ZNF197: variants seen among roughly 807,000 people sequenced by gnomAD.
The protein encoded by ZNF197 is zinc finger protein 197, also known as VHL-associated KRAB-A domain-containing protein.
In ZNF197, 14 loss-of-function variants were observed where a neutral mutation model predicts 27.4. The ratio of observed to expected loss-of-function variants is 0.51; its 90% CI spans 0.34 to 0.80. The LOEUF (loss-of-function observed/expected upper bound fraction) is 0.80. Ranked by LOEUF, ZNF197 falls within the 30% of genes least tolerant of loss-of-function variation. ZNF197 has a pLI of 0.02. For synonymous variants in ZNF197, 415 were observed against 420.0 expected, an observed-to-expected ratio of 0.99 and a Z score of 0.15; for missense variants, 1,090 against 1,222.6, an observed-to-expected ratio of 0.89 and a Z score of 1.62.
Position 44,630,526 on chromosome 3 carries a change from A to T in ZNF197, c.391-536A>T, listed in dbSNP as rs558666983. The stretch of plus-strand genomic sequence containing the variant: ...CTTGTTTCTTTTAATAATAACGTGA[A>T]CAATTTTAGAGCTATATATTTCGTT... On this transcript the variant is annotated intron_variant, in intron 2 of 5. Transcript: ENST00000344387. Among the ~76,000 whole-genome samples the T allele has an allele frequency of 1.3e-3, 194 of 152,294 alleles. 1 individual carries two copies. Among genetic ancestry groups the T allele is most frequent in the African/African-American group, 4.1e-3 (171 of 41,554 alleles).
In ZNF197 at chr3:44,643,865, G is replaced by A. The variant is rs1702784051; in HGVS notation, c.2735G>A (p.Ser912Asn). ...YKCNECGKDF[S>N]QNKNLVVHQR... ...TGTAATGAGTGTGGAAAAGACTTTAGTCAGAATAAAAACCTTGTTGTACAT... is the reference window on the plus strand; with the variant it reads ...TGTAATGAGTGTGGAAAAGACTTTAATCAGAATAAAAACCTTGTTGTACAT... Residue 912 changes from serine (S) to asparagine (N), a missense_variant, in exon 6 of 6, where the codon AGT (serine) becomes AAT (asparagine). Transcript: ENST00000344387. 4 of 1,613,552 alleles carry A rather than the reference G, an allele frequency of 2.5e-6. No individual in the cohort carries two copies.
Position 44,635,527 on chromosome 3 carries a change from T to G in ZNF197, c.769+2928T>G, listed in dbSNP as rs149299782. On this transcript the variant is annotated intron_variant, in intron 5 of 5. Transcript: ENST00000344387. ...TGACACTATCAAATATTATGACAAC[T>G]CTGTGTACTCAATTTTCATGCATCG... Among the ~76,000 whole-genome samples, 125 of 152,320 alleles carry G rather than the reference T, an allele frequency of 8.2e-4. 2 individuals are homozygous for G. Among genetic ancestry groups the G allele is most frequent in the African/African-American group, 3.0e-3 (123 of 41,574 alleles).
Position 44,645,316 on chromosome 3 carries a change from C to A in ZNF197, c.*1096C>A, listed in dbSNP as rs1013871791. The A allele has an allele frequency of 1.8e-4, 181 of 985,100 alleles. No homozygotes were observed. The highest frequency in any genetic ancestry group is 2.1e-4 in the Non-Finnish European group (176 of 829,906). 61.0% of individuals were successfully genotyped at this position (985,100 alleles called of 1,614,324 possible). On this transcript the variant is annotated 3_prime_UTR_variant, in exon 6 of 6. Coordinates refer to ENST00000344387, the MANE Select transcript of ZNF197 (RefSeq NM_006991.5). ...GATCATGTAAGTTTGTGTATTAAGT[C>A]AATATTAGAATGAGGGGGATTCCAG... is the stretch of plus-strand genomic sequence containing the variant.
intron 4 of ZNF197, 94 bp downstream of exon 4, chr3:44,632,290 C>A: frequency 6.5e-7 from 1 of 1,529,480 alleles, no homozygotes; most frequent in Non-Finnish European, 9.0e-7. Flanking sequence ...CCAGTCAGTT[C>A]CCATTTCTAA....
Position 44,625,518 on chromosome 3 carries a change from C to T in ZNF197, c.-82+375C>T, listed in dbSNP as rs954298681. ...AAACATTCTGAGGTTTCCCTATTAC[C>T]GGTGGCGCCCAGACTCTTGAGGACG... is the stretch of plus-strand genomic sequence containing the variant. On this transcript the variant is annotated intron_variant, in intron 1 of 5. Coordinates refer to ENST00000344387, the MANE Select transcript of ZNF197 (RefSeq NM_006991.5). Among the ~76,000 whole-genome samples, 16 of 152,150 alleles carry T rather than the reference C, an allele frequency of 1.1e-4. 1 individual carries two copies. Among genetic ancestry groups the T allele is most frequent in the African/African-American group, 3.4e-4 (14 of 41,434 alleles).
At chr3:44,632,831 T>G (rs748217194) in intron 5 of ZNF197, among the ~76,000 whole-genome samples, 1 of 152,176 alleles carries the variant, frequency 6.6e-6, no homozygotes, top group Non-Finnish European at 1.5e-5. Context: ...TGTGTGTGTG[T>G]GTGTGTCTGT....
In ZNF197 at chr3:44,647,219, T is replaced by G. The variant is rs925253604; in HGVS notation, c.*2999T>G. The G allele has an allele frequency of 6.6e-6, 1 of 151,486 alleles. No homozygotes were observed. The highest frequency in any genetic ancestry group is 2.4e-5 in the African/African-American group (1 of 41,238). 9.4% of individuals were successfully genotyped at this position (151,486 alleles called of 1,614,324 possible). On this transcript the variant is annotated 3_prime_UTR_variant, in exon 6 of 6. Coordinates refer to ENST00000344387, the MANE Select transcript of ZNF197 (RefSeq NM_006991.5). ...AGCAAATAAGCAAATGAAAAGATGT[T>G]CAACATCATTAGGCATGAGGGAAAT...
chr3:44,645,362 T>A lies in ZNF197; in HGVS notation c.*1142T>A. On this transcript the variant is annotated 3_prime_UTR_variant, in exon 6 of 6. Transcript: ENST00000344387. ...TCCAGGAACCTAAAAGATACTCATT[T>A]TCATAAGAGGAAGTATGGTGAATAG... is the stretch of plus-strand genomic sequence containing the variant. 1 of 973,064 alleles carries A rather than the reference T, an allele frequency of 1.0e-6. No individual in the cohort carries two copies. Among genetic ancestry groups the A allele is most frequent in the Non-Finnish European group, 1.2e-6 (1 of 829,460 alleles). The allele number at this position is 973,064 out of a possible 1,614,324, so 60.3% of individuals were successfully genotyped here. A position where few individuals can be genotyped will look rare whatever the true frequency, so the allele number is the denominator to read the frequency against.
At position 44,642,323 on chromosome 3, in the gene ZNF197, A is replaced by G. The variant is rs758199608; in HGVS notation, c.1193A>G (p.His398Arg). The G allele has an allele frequency of 3.1e-6, 5 of 1,613,774 alleles. No individual in the cohort carries two copies. The highest frequency in any genetic ancestry group is 4.2e-6 in the Non-Finnish European group (5 of 1,179,622). Residue 398 changes from histidine (H) to arginine (R), a missense_variant, in exon 6 of 6, where the codon CAT becomes CGT. Transcript: ENST00000344387. ...HRRIHTGEKPHKCKECGKGFI... is the reference protein window; with the variant it reads ...HRRIHTGEKPRKCKECGKGFI... ...AGAATCCACACTGGTGAGAAACCTC[A>G]TAAATGTAAGGAATGTGGAAAAGGC...
intron 2 of ZNF197, 135 bp downstream of exon 2, chr3:44,629,679 T>C: frequency 8.4e-7 from 1 of 1,186,666 alleles, no homozygotes; most frequent in Non-Finnish European, 1.1e-6. Flanking sequence ...TTAATGATAA[T>C]TAAAGCAGGT....
rs1394795659 is a variant in ZNF197 at position 44,644,198 on chromosome 3, A to G, written c.3068A>G (p.Lys1023Arg). ...FSWLQNTNES[K>R]IEIQKI ...TGGCTACAAAACACCAATGAGTCCA[A>G]GATTGAGATTCAGAAAATCTAGTGT... Residue 1023 changes from lysine to arginine, a missense_variant, in exon 6 of 6, where the codon AAG (lysine) becomes AGG (arginine). Physicochemically the swap from Lys to Arg is conservative, Grantham distance 26. Transcript: ENST00000344387. 5.0e-6 allele frequency: 8 copies of G among 1,593,262 alleles called. No homozygotes were observed. The highest frequency in any genetic ancestry group is 6.8e-6 in the Non-Finnish European group (8 of 1,172,386).
Position 44,646,566 on chromosome 3 carries a change from T to C in ZNF197, c.*2346T>C, listed in dbSNP as rs1489143870. On this transcript the variant is annotated 3_prime_UTR_variant, in exon 6 of 6. Transcript: ENST00000344387. Reference sequence around the variant, plus strand: ...ACAGACACATCCAGAACGTGGAATATTGCATAAGAAAGCTGCCCTGGATTC... The same window carrying C: ...ACAGACACATCCAGAACGTGGAATACTGCATAAGAAAGCTGCCCTGGATTC... The C allele has an allele frequency of 9.1e-7, 1 of 1,097,584 alleles. No individual in the cohort carries two copies. Among genetic ancestry groups the C allele is most frequent in the Admixed American group, 1.7e-5 (1 of 59,002 alleles). 68.0% of individuals were successfully genotyped at this position (1,097,584 alleles called of 1,614,324 possible). A position where few individuals can be genotyped will look rare whatever the true frequency, so the allele number is the denominator to read the frequency against.
chr3:44,631,881 T>G (rs1239994494), intron 3 of ZNF197, among the ~76,000 whole-genome samples: 1 of 152,068 alleles, frequency 6.6e-6, no homozygotes, highest in East Asian at 1.9e-4. Context: ...TTTTGTATTT[T>G]TAGTAGAGAC....
In ZNF197 at chr3:44,629,149, A is replaced by G; in HGVS notation, c.-6A>G. On this transcript the variant is annotated 5_prime_UTR_variant, in exon 2 of 6. Transcript: ENST00000344387. ...ACTGGAGAGGAGCCTTTTTCAAAAA[A>G]CAACAATGACAAGAGAAAATGTAGC... 1 of 1,596,208 alleles carries G rather than the reference A, an allele frequency of 6.3e-7. No individual in the cohort carries two copies. The highest frequency in any genetic ancestry group is 8.5e-7 in the Non-Finnish European group (1 of 1,174,320).
intron 3 of ZNF197, among the ~76,000 whole-genome samples, chr3:44,631,693 A>ATG (rs1702013147): frequency 7.9e-6 from 1 of 127,112 alleles, no homozygotes; most frequent in South Asian, 2.4e-4. Context: ...GAGCCACTGC[A>ATG]CCCGGCCATT....
chr3:44,631,408 T>C (rs186466071), intron 3 of ZNF197, among the ~76,000 whole-genome samples, 187 bp downstream of exon 3: 3,382 of 143,710 alleles, frequency 0.024, 53 homozygotes, highest in Middle Eastern at 0.037. Context: ...ACATCCCCCC[T>C]TTTTTTTTTT....
In ZNF197 at chr3:44,645,226, T is replaced by C. The variant is rs1051347028; in HGVS notation, c.*1006T>C. On this transcript the variant is annotated 3_prime_UTR_variant, in exon 6 of 6. Transcript: ENST00000344387. ...TGAAAGGATCTTTGTGAAAGTACTT[T>C]TTGAAATCATTCAGTTGTCAATAAA... 1.0e-6 allele frequency: 1 copy of C among 985,140 alleles called. No homozygotes were observed. The highest frequency in any genetic ancestry group is 4.7e-5 in the South Asian group (1 of 21,292). The allele number at this position is 985,140 out of a possible 1,614,324, so 61.0% of individuals were successfully genotyped here.
Position 44,643,941 on chromosome 3 carries a change from A to G in ZNF197, c.2811A>G (p.Lys937=). The G allele has an allele frequency of 6.2e-7, 1 of 1,614,178 alleles. No individual in the cohort carries two copies. Residue 937 remains lysine, a synonymous_variant, in exon 6 of 6, where the codon AAA becomes AAG. Coordinates refer to ENST00000344387, the MANE Select transcript of ZNF197 (RefSeq NM_006991.5). ...CTTATGAGTGTGACAAGTGTAGGAA[A>G]TCCTTTACTTCTAAGAGGAATTTAG... ...EKPYECDKCR[K]SFTSKRNLVG...
At position 44,643,192 on chromosome 3, in the gene ZNF197, G is replaced by T. The variant is rs138646834; in HGVS notation, c.2062G>T (p.Gly688Cys). 3 of 1,612,962 alleles carry T rather than the reference G, an allele frequency of 1.9e-6. No individual in the cohort carries two copies. Among genetic ancestry groups the T allele is most frequent in the Non-Finnish European group, 2.5e-6 (3 of 1,179,802 alleles). The change falls in exon 6 of 6, where the codon GGT becomes TGT. Residue 688 changes from glycine (G) to cysteine (C), a missense_variant. Physicochemically the swap from Gly to Cys is radical, Grantham distance 159 (BLOSUM62 -3). Transcript: ENST00000344387. ...ATGTAAAGATTGTGGTAAGGTCTTC[G>T]GTTCAAACAGAAACCTCATTGACCA... ...YECKDCGKVFGSNRNLIDHER... is the reference protein window; with the variant it reads ...YECKDCGKVFCSNRNLIDHER...
Sources: allele counts gnomAD v4.1 joint callset (sites outside exome capture counted in the v4.1 genomes callset), GRCh38; gene constraint gnomAD v4.1.1; transcripts MANE v1.5; gene names NCBI Gene and HGNC (gene_info 2026-07-23, HGNC 2026-07-21).